IGF2BP3: variants seen among roughly 807,000 people sequenced by gnomAD.
IGF2BP3 encodes the protein insulin like growth factor 2 mRNA binding protein 3.
IGF2BP3 carries 9 observed loss-of-function variants against 73.8 expected under a neutral mutation model. That is an observed-to-expected ratio of 0.12 (90% CI 0.07 to 0.21). IGF2BP3 has a LOEUF of 0.21. Ranked by LOEUF, IGF2BP3 falls within the 10% of genes least tolerant of loss-of-function variation. The pLI is 1.00. For missense variants in IGF2BP3, 542 were observed against 714.0 expected, an observed-to-expected ratio of 0.76 and a Z score of 2.75; for synonymous variants, 258 against 256.7, an observed-to-expected ratio of 1.01 and a Z score of -0.05.
At position 23,312,861 on chromosome 7, in the gene IGF2BP3, A is replaced by G; in HGVS notation, c.1528-13T>C. ...GAAGTTCATTCACCTGAAAGAGATA[A>G]ATATAAATCACATTAAGTGGCAGTT... On this transcript the variant is annotated splice_polypyrimidine_tract_variant and intron_variant, in intron 13 of 14. Transcript: ENST00000258729. The G allele has an allele frequency of 6.4e-7, 1 of 1,553,878 alleles. No individual in the cohort carries two copies. Among genetic ancestry groups the G allele is most frequent in the Non-Finnish European group, 8.8e-7 (1 of 1,134,818 alleles).
chr7:23,361,888 G>A (rs964978512), intron 3 of IGF2BP3, 147 bp from the exon 4 acceptor site: 1 of 632,368 alleles, frequency 1.6e-6, no homozygotes, highest in African/African-American at 1.8e-5. Context: ...CTAAGGGATG[G>A]ATACCACAAA....
intron 10 of IGF2BP3, among the ~76,000 whole-genome samples, chr7:23,331,403 A>C (rs1784440324): frequency 6.6e-6 from 1 of 152,356 alleles, no homozygotes; most frequent in South Asian, 2.1e-4. Context: ...GCACCTTCAG[A>C]TATAGCTAAA....
chr7:23,371,891 G>A (rs945359749), intron 3 of IGF2BP3, among the ~76,000 whole-genome samples: 4 of 152,204 alleles, frequency 2.6e-5, no homozygotes, highest in Admixed American at 2.6e-4. Context: ...GACTCTCTGA[G>A]AGAGAACAGT....
At chr7:23,430,297 C>CTGGT (rs1437247012) in intron 2 of IGF2BP3, among the ~76,000 whole-genome samples, 1 of 152,146 alleles carries the variant, frequency 6.6e-6, no homozygotes, top group African/African-American at 2.4e-5. Context: ...GCTGGCCAGG[C>CTGGT]TGGTCTCGAA....
intron 3 of IGF2BP3, among the ~76,000 whole-genome samples, chr7:23,375,300 C>T (rs901024323): frequency 1.3e-5 from 2 of 152,128 alleles, no homozygotes; most frequent in African/African-American, 4.8e-5. Context: ...ACCTTTGGAA[C>T]TGCCACATGG....
intron 3 of IGF2BP3, among the ~76,000 whole-genome samples, chr7:23,385,967 G>A (rs1786070008): frequency 6.6e-6 from 1 of 152,080 alleles, no homozygotes; most frequent in South Asian, 2.1e-4. Context: ...TGATGATATT[G>A]ATTTTTTTAA....
intron 3 of IGF2BP3, among the ~76,000 whole-genome samples, chr7:23,373,096 A>G (rs752428968): frequency 1.3e-5 from 2 of 152,222 alleles, no homozygotes; most frequent in Admixed American, 6.5e-5. Context: ...TACCTGCACT[A>G]GAAAATCAAA....
In IGF2BP3 at chr7:23,426,819, C is replaced by A. The variant is rs145702012; in HGVS notation, c.237-7995G>T. Among the ~76,000 whole-genome samples, 245 of 152,338 alleles carry A rather than the reference C, an allele frequency of 1.6e-3. 2 individuals are homozygous for A. Among genetic ancestry groups the A allele is most frequent in the African/African-American group, 5.4e-3 (225 of 41,584 alleles). The stretch of plus-strand genomic sequence containing the variant: ...TGATGTTGGCAGCTACTAGTGATCA[C>A]TGCCTAAACCCACTATTTCATTCAA... On this transcript the variant is annotated intron_variant, in intron 2 of 14. Coordinates refer to ENST00000258729, the MANE Select transcript of IGF2BP3 (RefSeq NM_006547.3).
chr7:23,400,015 C>T (rs751530466), intron 3 of IGF2BP3, among the ~76,000 whole-genome samples: 35 of 152,228 alleles, frequency 2.3e-4, no homozygotes, highest in Middle Eastern at 3.4e-3. Context: ...ACACCAGGTC[C>T]TTGGCTAGTG....
intron 5 of IGF2BP3, among the ~76,000 whole-genome samples, chr7:23,359,501 A>G (rs890726434): frequency 2.0e-5 from 3 of 152,204 alleles, no homozygotes; most frequent in African/African-American, 7.2e-5. Context: ...ACATCATCCT[A>G]TATTTTCCAA....
chr7:23,374,740 G>A (rs274040), intron 3 of IGF2BP3, among the ~76,000 whole-genome samples: 7,937 of 152,036 alleles, frequency 0.052, 386 homozygotes, highest in African/African-American at 0.12. Context: ...ATTTGATATC[G>A]GGGGAAATTC....
intron 2 of IGF2BP3, among the ~76,000 whole-genome samples, chr7:23,464,752 A>C (rs1788526486): frequency 6.6e-6 from 1 of 151,714 alleles, no homozygotes; most frequent in African/African-American, 2.4e-5. Flanking sequence ...CTACCCTGAA[A>C]GGAAGAAAAA....
chr7:23,414,501 C>T (rs548112944), intron 3 of IGF2BP3: 39 of 152,342 alleles, frequency 2.6e-4, no homozygotes, highest in African/African-American at 8.7e-4. Context: ...ATCTGGCTTA[C>T]AAGATGACTC....
intron 3 of IGF2BP3, chr7:23,402,405 T>C (rs1786696780): frequency 6.6e-6 from 1 of 152,226 alleles, no homozygotes; most frequent in Admixed American, 6.5e-5. Flanking sequence ...AAAAAGAGAC[T>C]GCTGATGGTA....
At chr7:23,416,991 G>A (rs1383538363) in intron 3 of IGF2BP3, among the ~76,000 whole-genome samples, 1 of 152,164 alleles carries the variant, frequency 6.6e-6, no homozygotes, top group Non-Finnish European at 1.5e-5. Flanking sequence ...GGGAGGCGGA[G>A]GTTGCAGTCA....
intron 2 of IGF2BP3, among the ~76,000 whole-genome samples, chr7:23,423,859 C>T (rs1787421637): frequency 6.6e-6 from 1 of 152,188 alleles, no homozygotes; most frequent in Non-Finnish European, 1.5e-5. Flanking sequence ...GTGGCTTAAG[C>T]CTGTAATCCC....
At chr7:23,414,555 T>A (rs1373433861) in intron 3 of IGF2BP3, 1 of 152,216 alleles carries the variant, frequency 6.6e-6, no homozygotes, top group Non-Finnish European at 1.5e-5. Flanking sequence ...GGTTAGAGGT[T>A]TGCCTTGATA....
At chr7:23,401,882 GTGAATCACC>G (rs1208928231) in intron 3 of IGF2BP3, among the ~76,000 whole-genome samples, 1 of 152,086 alleles carries the variant, frequency 6.6e-6, no homozygotes, top group Non-Finnish European at 1.5e-5. Flanking sequence ...GCTGAGACAG[GTGAATCACC>G]TGAGGTCTTG....
chr7:23,454,116 G>T (rs1788262247), intron 2 of IGF2BP3, among the ~76,000 whole-genome samples: 1 of 152,140 alleles, frequency 6.6e-6, no homozygotes, highest in Non-Finnish European at 1.5e-5. Context: ...GCCCAGCCTA[G>T]ATTGGATATC....
Sources: allele counts gnomAD v4.1 joint callset (sites outside exome capture counted in the v4.1 genomes callset), GRCh38; gene constraint gnomAD v4.1.1; transcripts MANE v1.5; gene names NCBI Gene and HGNC (gene_info 2026-07-23, HGNC 2026-07-21).